CACNB2: variants seen among roughly 807,000 people sequenced by gnomAD.
CACNB2 encodes the protein calcium voltage-gated channel auxiliary subunit beta 2, also known as voltage-dependent L-type calcium channel subunit beta-2.
Under a neutral mutation model 73.3 loss-of-function variants are expected in CACNB2, and 42 were observed. That is an observed-to-expected ratio of 0.57 (90% CI 0.45 to 0.74). The LOEUF (loss-of-function observed/expected upper bound fraction) is 0.74. CACNB2 is among the 30% of genes least tolerant of loss of function. CACNB2 has a pLI of 0.00. For missense variants in CACNB2, 940 were observed against 853.0 expected (o/e 1.10, Z -1.27); for synonymous variants, 348 against 310.3 (o/e 1.12, Z -1.28).
chr10:18,519,189 C>T (rs1378703705), intron 9 of CACNB2, among the ~76,000 whole-genome samples: 1 of 152,202 alleles, frequency 6.6e-6, no homozygotes, highest in African/African-American at 2.4e-5. Context: ...CATCCATAAG[C>T]TGACCTTGGG....
intron 2 of CACNB2, among the ~76,000 whole-genome samples, chr10:18,268,540 A>C (rs1178156666): frequency 6.6e-6 from 1 of 152,228 alleles, no homozygotes; most frequent in Non-Finnish European, 1.5e-5. Flanking sequence ...TGTATATAGT[A>C]TGATTGCATT....
intron 2 of CACNB2, among the ~76,000 whole-genome samples, chr10:18,285,581 C>G (rs897072323): frequency 1.5e-4 from 23 of 152,168 alleles, no homozygotes; most frequent in Admixed American, 5.2e-4. Context: ...TGAAAACTGC[C>G]TAACTGAGCT....
intron 10 of CACNB2, among the ~76,000 whole-genome samples, chr10:18,530,705 C>G (rs2052928143): frequency 6.6e-6 from 1 of 152,146 alleles, no homozygotes; most frequent in African/African-American, 2.4e-5. Context: ...GTTGAAAAAT[C>G]TTTAAGTCAA....
chr10:18,426,849 G>A (rs1459483494), intron 3 of CACNB2, among the ~76,000 whole-genome samples: 1 of 151,758 alleles, frequency 6.6e-6, no homozygotes, highest in African/African-American at 2.4e-5. Context: ...GTTTTCTATA[G>A]AGGTACTTTA....
rs1326422016 is a variant in CACNB2, at chr10:18,527,631, C to T, written c.988C>T (p.Arg330Cys). ...CACCGCTGACATCTCGCTTGCCAAA[C>T]GCTCGGTATTAAACAATCCCAGTAA... is the stretch of plus-strand genomic sequence containing the variant. ...RVTADISLAK[R>C]SVLNNPSKHA... Residue 330 changes from arginine (R) to cysteine (C), a missense_variant, in exon 10 of 14, where the codon CGC (arginine) becomes TGC (cysteine). Arg to Cys is a radical substitution (Grantham distance 180). Coordinates refer to ENST00000324631, the MANE Select transcript of CACNB2 (RefSeq NM_201596.3). 8.7e-6 allele frequency: 14 copies of T among 1,613,858 alleles called. No individual in the cohort carries two copies. The highest frequency in any genetic ancestry group is 6.7e-5 in the African/African-American group (5 of 74,896).
intron 2 of CACNB2, among the ~76,000 whole-genome samples, chr10:18,293,716 G>A (rs1210442521): frequency 6.6e-6 from 1 of 152,170 alleles, no homozygotes; most frequent in East Asian, 1.9e-4. Flanking sequence ...ATTACAAAAT[G>A]CCTCTGTACC....
At chr10:18,243,906 G>A (rs2036761333) in intron 2 of CACNB2, among the ~76,000 whole-genome samples, 1 of 152,094 alleles carries the variant, frequency 6.6e-6, no homozygotes, top group Non-Finnish European at 1.5e-5. Context: ...ATGGCAAATG[G>A]ACTAAGACAG....
chr10:18,310,605 C>CAAAAAAAAAAAAAAAAAAAAAAAA (rs1157466238), intron 2 of CACNB2, among the ~76,000 whole-genome samples: 2 of 36,860 alleles, frequency 5.4e-5, no homozygotes, highest in African/African-American at 2.5e-4. Context: ...AACTCCATCT[C>CAAAAAAAAAAAAAAAAAAAAAAAA]AAAAAAAAAA....
intron 2 of CACNB2, among the ~76,000 whole-genome samples, chr10:18,165,603 T>A (rs1313699259): frequency 6.6e-6 from 1 of 152,186 alleles, no homozygotes; most frequent in Non-Finnish European, 1.5e-5. Flanking sequence ...ATAGAGACAG[T>A]GTCTCACCAT....
At position 18,514,430 on chromosome 10, in the gene CACNB2, A is replaced by G; in HGVS notation, c.804+61A>G. On this transcript the variant is annotated intron_variant, in intron 7 of 13. Transcript: ENST00000324631. Reference sequence around the variant, plus strand: ...CTCAACTGCACTGCGTCACATTTCTAGTCCTGTTGACTGTCTGCGTCCTTT... The same window carrying G: ...CTCAACTGCACTGCGTCACATTTCTGGTCCTGTTGACTGTCTGCGTCCTTT... 1.9e-6 allele frequency: 3 copies of G among 1,613,784 alleles called. No homozygotes were observed. In the Admixed American group the frequency reaches 5.0e-5, roughly 27 times the overall value.
intron 2 of CACNB2, among the ~76,000 whole-genome samples, chr10:18,384,878 C>T (rs2043160979): frequency 6.6e-6 from 1 of 151,994 alleles, no homozygotes; most frequent in Non-Finnish European, 1.5e-5. Flanking sequence ...GCTGGTTCCT[C>T]AGTTTTCTTC....
chr10:18,320,340 G>A (rs754313235), intron 2 of CACNB2, among the ~76,000 whole-genome samples: 4 of 152,120 alleles, frequency 2.6e-5, no homozygotes, highest in Non-Finnish European at 5.9e-5. Flanking sequence ...CATTTGCTTT[G>A]CTTTGCTTTG....
At chr10:18,268,048 G>T (rs1444230121) in intron 2 of CACNB2, among the ~76,000 whole-genome samples, 1 of 152,206 alleles carries the variant, frequency 6.6e-6, no homozygotes, top group African/African-American at 2.4e-5. Context: ...AATGTGAACT[G>T]TTTCAATTGT....
intron 2 of CACNB2, among the ~76,000 whole-genome samples, chr10:18,266,032 G>A (rs1271831786): frequency 1.3e-5 from 2 of 152,174 alleles, no homozygotes; most frequent in Non-Finnish European, 2.9e-5. Context: ...GCATTTAAAT[G>A]TCACCAAATG....
At chr10:18,417,360 CTTTTTTTTTTTTTTTTTT>C (rs34847923) in intron 3 of CACNB2, among the ~76,000 whole-genome samples, 3 of 87,010 alleles carry the variant, frequency 3.4e-5, no homozygotes, top group Admixed American at 1.5e-4. Context: ...GCTAAAAATT[CTTTTTTTTTTTTTTTTTT>C]TTTTTTTGAG....
At chr10:18,411,283 C>G (rs1450687088) in intron 3 of CACNB2, among the ~76,000 whole-genome samples, 3 of 152,092 alleles carry the variant, frequency 2.0e-5, no homozygotes, top group Non-Finnish European at 2.9e-5. Flanking sequence ...AGTGCAGAAG[C>G]CCGCTGGACC....
intron 12 of CACNB2, among the ~76,000 whole-genome samples, chr10:18,537,365 A>G (rs2053704223): frequency 2.0e-5 from 3 of 152,162 alleles, no homozygotes; most frequent in Non-Finnish European, 2.9e-5. Flanking sequence ...TTTATAATAA[A>G]CACTAAAAAA....
chr10:18,461,524 G>T (rs993279504), intron 3 of CACNB2, among the ~76,000 whole-genome samples: 1 of 152,002 alleles, frequency 6.6e-6, no homozygotes, highest in Non-Finnish European at 1.5e-5. Context: ...TTTGGCACCA[G>T]GGAACGAGTT....
chr10:18,192,726 T>A (rs2034457916), intron 2 of CACNB2, among the ~76,000 whole-genome samples: 1 of 152,224 alleles, frequency 6.6e-6, no homozygotes, highest in African/African-American at 2.4e-5. Context: ...TTCATATAAA[T>A]GAAATTAGAC....
Sources: gnomAD v4.1 joint callset for allele counts (sites outside exome capture counted in the v4.1 genomes callset) on GRCh38, gnomAD v4.1.1 for gene constraint, MANE v1.5 for transcripts, NCBI Gene and HGNC (gene_info 2026-07-23, HGNC 2026-07-21) for gene names.